The following MAGI3 variants were observed in gnomAD, a reference collection of about 807,000 sequenced individuals.
MAGI3 encodes membrane-associated guanylate kinase, WW and PDZ domain-containing protein 3.
Under a neutral mutation model 121.8 loss-of-function variants are expected in MAGI3, and 43 were observed. The ratio of observed to expected loss-of-function variants is 0.35; its 90% confidence interval spans 0.28 to 0.46. The LOEUF (loss-of-function observed/expected upper bound fraction) is 0.46. MAGI3 is among the 20% of genes least tolerant of loss of function. The probability of loss-of-function intolerance (pLI) is 1.00; values close to 1 mark genes in which losing one functional copy is unlikely to be tolerated. For missense variants in MAGI3, 1,547 were observed against 1,797.3 expected, an observed-to-expected ratio of 0.86 and a Z score of 2.52; for synonymous variants, 553 against 639.3, an observed-to-expected ratio of 0.86 and a Z score of 2.04.
chr1:113,568,820 G>A (rs183345898), intron 2 of MAGI3, among the ~76,000 whole-genome samples: 4 of 152,114 alleles, frequency 2.6e-5, no homozygotes, highest in Admixed American at 2.0e-4. Context: ...AGGTGTGAAA[G>A]GCAAACCTGT....
intron 12 of MAGI3, among the ~76,000 whole-genome samples, chr1:113,648,465 G>A (rs1319890673): frequency 6.9e-6 from 1 of 145,940 alleles, no homozygotes; most frequent in Non-Finnish European, 1.5e-5. Flanking sequence ...AGGCTGGAAT[G>A]CAGTGGCACG....
At chr1:113,452,733 G>A (rs185902091) in intron 1 of MAGI3, among the ~76,000 whole-genome samples, 164 of 152,186 alleles carry the variant, frequency 1.1e-3, no homozygotes, top group African/African-American at 3.6e-3. Flanking sequence ...AACCTCTAGG[G>A]TGATTTGCCC....
chr1:113,442,993 A>G lies in MAGI3; in HGVS notation c.316+51644A>G, dbSNP rs377611538. ...ATTGTAAATTCTTTGAGTGGAGCCT[A>G]ACATCTTTTTATTCATCACTATGTT... On this transcript the variant is annotated intron_variant, in intron 1 of 20. Transcript: ENST00000307546. Among the ~76,000 whole-genome samples, 28 of 152,274 alleles carry G rather than the reference A, an allele frequency of 1.8e-4. 1 individual carries two copies. The East Asian group carries it at 1.9e-3, about 10-fold the overall frequency.
intron 4 of MAGI3, among the ~76,000 whole-genome samples, 182 bp from the exon 5 acceptor site, chr1:113,590,302 T>C (rs1263883719): frequency 6.6e-6 from 1 of 152,102 alleles, no homozygotes; most frequent in Admixed American, 6.6e-5. Context: ...TAATTGTCAA[T>C]TACTAGGGGA....
At chr1:113,638,429 T>C (rs908287474) in intron 9 of MAGI3, among the ~76,000 whole-genome samples, 2 of 152,370 alleles carry the variant, frequency 1.3e-5, no homozygotes, top group Admixed American at 6.5e-5. Flanking sequence ...CCTTTCTGTT[T>C]GTTAGTTTTC....
intron 9 of MAGI3, among the ~76,000 whole-genome samples, chr1:113,637,219 G>T (rs889890943): frequency 6.6e-6 from 1 of 152,144 alleles, no homozygotes; most frequent in Non-Finnish European, 1.5e-5. Flanking sequence ...GGAGCATTTA[G>T]TCCATTTACA....
intron 9 of MAGI3, among the ~76,000 whole-genome samples, chr1:113,638,960 A>G (rs1157855142): frequency 4.6e-5 from 7 of 152,078 alleles, no homozygotes; most frequent in East Asian, 3.9e-4. Context: ...CCCCAGCCTC[A>G]CTGCCGCCTT....
intron 11 of MAGI3, among the ~76,000 whole-genome samples, chr1:113,646,076 C>A (rs1034056374): frequency 3.3e-5 from 5 of 152,110 alleles, no homozygotes; most frequent in African/African-American, 1.2e-4. Flanking sequence ...AAATTAAACT[C>A]AGTGAATGGG....
At chr1:113,647,969 C>G (rs1352034286) in intron 12 of MAGI3, among the ~76,000 whole-genome samples, 1 of 150,140 alleles carries the variant, frequency 6.7e-6, no homozygotes, top group Non-Finnish European at 1.5e-5. Context: ...TCACCCGGAG[C>G]TGGAGTGCAG....
rs114690547 is a variant in MAGI3 at position 113,626,114 on chromosome 1, C to T, written c.1360+3120C>T. Among the ~76,000 whole-genome samples the T allele has an allele frequency of 3.1e-3, 472 of 152,164 alleles. 2 individuals carry two copies. The highest frequency in any genetic ancestry group is 0.011 in the African/African-American group (440 of 41,530). ...CAGAGTAGCTGGGATTACAGGCACT[C>T]ACCAGCACGCCTGGCTAATTTTATA... On this transcript the variant is annotated intron_variant, in intron 9 of 20. Coordinates refer to ENST00000307546, the MANE Select transcript of MAGI3 (RefSeq NM_001142782.2).
rs187849131 is a variant in MAGI3 at position 113,626,107 on chromosome 1, A to G, written c.1360+3113A>G. On this transcript the variant is annotated intron_variant, in intron 9 of 20. Transcript: ENST00000307546. ...CAGCCTCCAGAGTAGCTGGGATTAC[A>G]GGCACTCACCAGCACGCCTGGCTAA... Among the ~76,000 whole-genome samples the G allele has an allele frequency of 3.3e-5, 5 of 152,276 alleles. No individual in the cohort carries two copies. In the East Asian group the frequency reaches 9.6e-4, roughly 29 times the overall value.
intron 1 of MAGI3, among the ~76,000 whole-genome samples, chr1:113,523,463 C>T (rs1453601076): frequency 6.6e-6 from 1 of 152,152 alleles, no homozygotes; most frequent in African/African-American, 2.4e-5. Flanking sequence ...ATGATATGGA[C>T]ACTGAAATAT....
intron 1 of MAGI3, among the ~76,000 whole-genome samples, chr1:113,503,713 C>T (rs189474960): frequency 2.0e-5 from 3 of 152,164 alleles, no homozygotes; most frequent in African/African-American, 7.2e-5. Flanking sequence ...AAGAACATTA[C>T]ACTTAAATTA....
intron 1 of MAGI3, among the ~76,000 whole-genome samples, chr1:113,509,813 C>G (rs1444263808): frequency 7.1e-6 from 1 of 140,448 alleles, no homozygotes; most frequent in Admixed American, 7.3e-5. Context: ...GGTGAGAGCC[C>G]TCGTGTGGGG....
In MAGI3 at chr1:113,658,974, A is replaced by G. The variant is rs1229473547; in HGVS notation, c.2630-106A>G. ...TGGTACTTTTCTGTTATGTTTTTAA[A>G]TAATTTTCTTTGATGTTATGTTGAA... On this transcript the variant is annotated intron_variant, in intron 15 of 20. Transcript: ENST00000307546. The surrounding 1 kb of genome is among the most constrained non-coding windows in gnomAD (Gnocchi z 4.0). 6.4e-6 allele frequency: 6 copies of G among 940,292 alleles called. No homozygotes were observed. The highest frequency in any genetic ancestry group is 3.2e-6 in the Non-Finnish European group (2 of 617,810). The allele number at this position is 940,292 out of a possible 1,614,324, so 58.2% of individuals were successfully genotyped here.
intron 6 of MAGI3, among the ~76,000 whole-genome samples, chr1:113,599,656 G>GTAC (rs1332625839): frequency 6.6e-6 from 1 of 151,204 alleles, no homozygotes; most frequent in Non-Finnish European, 1.5e-5. Context: ...GGAGGAACTG[G>GTAC]TACCATTCCT....
intron 16 of MAGI3, among the ~76,000 whole-genome samples, chr1:113,663,546 TTTTTATGACTAATGAACAATA>T (rs1175824544): frequency 1.3e-5 from 2 of 152,178 alleles, no homozygotes; most frequent in Non-Finnish European, 2.9e-5. Context: ...ACTGCATTCC[TTTTTATGACTAATGAACAATA>T]TTTCATTATG....
At chr1:113,417,839 A>C (rs1302744381) in intron 1 of MAGI3, among the ~76,000 whole-genome samples, 2 of 152,182 alleles carry the variant, frequency 1.3e-5, no homozygotes, top group Non-Finnish European at 1.5e-5. Context: ...TTGGCATAGT[A>C]GGTAATAGAT....
At chr1:113,489,719 AAC>A (rs911456251) in intron 1 of MAGI3, among the ~76,000 whole-genome samples, 5 of 152,086 alleles carry the variant, frequency 3.3e-5, no homozygotes, top group Non-Finnish European at 5.9e-5. Context: ...AGAGCTGAAA[AAC>A]ACACTACAAG....
Sources: allele counts gnomAD v4.1 joint callset (sites outside exome capture counted in the v4.1 genomes callset), GRCh38; gene constraint gnomAD v4.1.1; non-coding constraint Gnocchi (gnomAD v3.1); transcripts MANE v1.5; gene names NCBI Gene and HGNC (gene_info 2026-07-23, HGNC 2026-07-21).